KCNT2: variants seen among roughly 807,000 people sequenced by gnomAD.
KCNT2 encodes potassium channel subfamily T member 2.
Under a neutral mutation model 153.8 loss-of-function variants are expected in KCNT2, and 67 were observed. That is an observed-to-expected ratio of 0.44 (90% confidence interval 0.36 to 0.53). KCNT2 has a LOEUF of 0.53. Ranked by LOEUF, KCNT2 falls within the 20% of genes least tolerant of loss-of-function variation. KCNT2 has a pLI of 0.00. For synonymous variants in KCNT2, 500 were observed against 458.8 expected, an observed-to-expected ratio of 1.09 and a Z score of -1.15; for missense variants, 975 against 1,354.8, an observed-to-expected ratio of 0.72 and a Z score of 4.40.
chr1:196,428,192 T>C lies in KCNT2; in HGVS notation c.897A>G (p.Glu299=). 1 of 1,612,478 alleles carries C rather than the reference T, an allele frequency of 6.2e-7. No homozygotes were observed. Among genetic ancestry groups the C allele is most frequent in the Non-Finnish European group, 8.5e-7 (1 of 1,178,768 alleles). The change falls in exon 10 of 28, where the codon GAA becomes GAG. Residue 299 remains glutamate, a synonymous_variant. Transcript: ENST00000294725. ...GNYSRHRAQT[E]KHVVLCVSSL... The stretch of plus-strand genomic sequence containing the variant: ...AGCTGACACACAGGACGACATGCTT[T>C]TCAGTTTGAGCTCTATGTCGACTAT...
chr1:196,302,293 G>T (rs1327081096), intron 22 of KCNT2, among the ~76,000 whole-genome samples: 2 of 152,010 alleles, frequency 1.3e-5, no homozygotes, highest in Non-Finnish European at 2.9e-5. Flanking sequence ...TAAATACTGT[G>T]TTAGCTGTCA....
intron 1 of KCNT2, among the ~76,000 whole-genome samples, chr1:196,541,084 A>AAT (rs1553251010): frequency 4.7e-5 from 7 of 150,320 alleles, no homozygotes; most frequent in Non-Finnish European, 3.0e-5. Flanking sequence ...TAAATAAATA[A>AAT]ATATATAAAT....
intron 22 of KCNT2, among the ~76,000 whole-genome samples, chr1:196,299,676 T>C (rs1336659817): frequency 6.6e-6 from 1 of 152,108 alleles, no homozygotes; most frequent in Non-Finnish European, 1.5e-5. Context: ...AGTACAGCAA[T>C]TATGGACAAC....
At chr1:196,362,532 G>A (rs1413889862) in intron 14 of KCNT2, among the ~76,000 whole-genome samples, 1 of 151,936 alleles carries the variant, frequency 6.6e-6, no homozygotes, top group Non-Finnish European at 1.5e-5. Context: ...TGGAATTTGG[G>A]TTCAAGGCAG....
At chr1:196,445,981 T>C (rs527853794) in intron 8 of KCNT2, among the ~76,000 whole-genome samples, 11 of 151,490 alleles carry the variant, frequency 7.3e-5, no homozygotes, top group Admixed American at 5.3e-4. Context: ...TGTCAGAAGG[T>C]CAATGACACA....
At chr1:196,304,641 C>A (rs914374047) in intron 22 of KCNT2, among the ~76,000 whole-genome samples, 2 of 152,136 alleles carry the variant, frequency 1.3e-5, no homozygotes, top group Admixed American at 6.6e-5. Context: ...CCACACTCAG[C>A]CTGTATACTG....
chr1:196,603,248 T>C (rs1304187447), intron 1 of KCNT2, among the ~76,000 whole-genome samples: 1 of 152,202 alleles, frequency 6.6e-6, no homozygotes, highest in Non-Finnish European at 1.5e-5. Context: ...ATATTGTATA[T>C]GCATAGTTGA....
At chr1:196,275,412 T>C (rs1477848346) in intron 25 of KCNT2, among the ~76,000 whole-genome samples, 2 of 146,498 alleles carry the variant, frequency 1.4e-5, no homozygotes, top group Non-Finnish European at 3.0e-5. Flanking sequence ...CTTTCTGCTG[T>C]GTTTGTGTGA....
chr1:196,421,315 G>T (rs534726078), intron 12 of KCNT2, among the ~76,000 whole-genome samples: 1 of 151,846 alleles, frequency 6.6e-6, no homozygotes. Context: ...ACTCTAGAAG[G>T]TATTATGTAT....
chr1:196,355,645 G>GT (rs1172535222), intron 14 of KCNT2, among the ~76,000 whole-genome samples: 2 of 151,580 alleles, frequency 1.3e-5, no homozygotes, highest in Non-Finnish European at 3.0e-5. Context: ...CTCTCAACGG[G>GT]TTTTTTGAAG....
intron 14 of KCNT2, among the ~76,000 whole-genome samples, chr1:196,356,246 A>C (rs533783434): frequency 6.6e-6 from 1 of 151,888 alleles, no homozygotes; most frequent in East Asian, 1.9e-4. Context: ...AATTTGTAAT[A>C]CATTCCAAAT....
intron 22 of KCNT2, among the ~76,000 whole-genome samples, chr1:196,288,662 G>A (rs1342180625): frequency 6.6e-6 from 1 of 152,068 alleles, no homozygotes; most frequent in African/African-American, 2.4e-5. Context: ...TCAATTTTAA[G>A]AGGATATGAT....
intron 1 of KCNT2, among the ~76,000 whole-genome samples, chr1:196,580,257 C>T (rs1184198355): frequency 2.0e-5 from 3 of 152,042 alleles, no homozygotes; most frequent in Non-Finnish European, 1.5e-5. Flanking sequence ...AATGGAAGCC[C>T]CAGCTCAACA....
At chr1:196,406,918 A>T (rs1671879739) in intron 12 of KCNT2, among the ~76,000 whole-genome samples, 1 of 151,420 alleles carries the variant, frequency 6.6e-6, no homozygotes, top group African/African-American at 2.4e-5. Flanking sequence ...CTTACCAGAA[A>T]TTTTGGGACT....
chr1:196,512,426 C>T lies in KCNT2; in HGVS notation c.96-20085G>A, dbSNP rs759776435. 4.6e-5 allele frequency among the ~76,000 whole-genome samples: 7 copies of T among 152,088 alleles called. No individual in the cohort carries two copies. The South Asian group carries it at 1.0e-3, about 23-fold the overall frequency. The stretch of plus-strand genomic sequence containing the variant: ...TGGATCTCTATCAGACATCTGCAAC[C>T]CAGCATATCGAAACTTAAATTCCTT... On this transcript the variant is annotated intron_variant, in intron 1 of 27. Coordinates refer to ENST00000294725, the MANE Select transcript of KCNT2 (RefSeq NM_198503.5).
At chr1:196,507,769 G>A (rs575791798) in intron 1 of KCNT2, among the ~76,000 whole-genome samples, 4 of 151,880 alleles carry the variant, frequency 2.6e-5, no homozygotes, top group Non-Finnish European at 4.4e-5. Flanking sequence ...TCTTACTAAC[G>A]GTCAATATAA....
At chr1:196,501,682 G>C (rs960337765) in intron 1 of KCNT2, among the ~76,000 whole-genome samples, 7 of 152,080 alleles carry the variant, frequency 4.6e-5, no homozygotes, top group Admixed American at 4.6e-4. Context: ...AAAAAGCTCA[G>C]ATTTCACTAC....
At chr1:196,289,088 AAG>A (rs1351916308) in intron 22 of KCNT2, among the ~76,000 whole-genome samples, 1 of 152,080 alleles carries the variant, frequency 6.6e-6, no homozygotes, top group Non-Finnish European at 1.5e-5. Context: ...AGTACTTAAA[AAG>A]ATATTTTTAT....
intron 1 of KCNT2, among the ~76,000 whole-genome samples, chr1:196,548,447 A>G (rs1657411946): frequency 6.6e-6 from 1 of 152,118 alleles, no homozygotes; most frequent in Non-Finnish European, 1.5e-5. Flanking sequence ...AATCAAAACC[A>G]CAATGAGATA....
Sources: gnomAD v4.1 joint callset for allele counts (sites outside exome capture counted in the v4.1 genomes callset) on GRCh38, gnomAD v4.1.1 for gene constraint, MANE v1.5 for transcripts, NCBI Gene and HGNC (gene_info 2026-07-23, HGNC 2026-07-21) for gene names.